C1QTNF3: variants seen among roughly 807,000 people sequenced by gnomAD.
C1QTNF3 encodes the protein C1q and TNF related 3, also known as complement C1q tumor necrosis factor-related protein 3.
Under a neutral mutation model 32.6 loss-of-function variants are expected in C1QTNF3, and 26 were observed. The observed-to-expected ratio is 0.80, with a 90% CI of 0.58 to 1.11. C1QTNF3 has a LOEUF of 1.11. Ranked by LOEUF, C1QTNF3 falls within the 50% of genes least tolerant of loss-of-function variation. C1QTNF3 has a pLI of 0.00. For missense variants in C1QTNF3, 362 were observed against 398.2 expected (o/e 0.91, Z 0.77); for synonymous variants, 155 against 146.0 (o/e 1.06, Z -0.44).
rs1754544048 is a variant in C1QTNF3, at chr5:34,028,899, T to C, written c.571-16A>G. The C allele has an allele frequency of 2.5e-6, 4 of 1,603,858 alleles. No homozygotes were observed. The highest frequency in any genetic ancestry group is 2.2e-5 in the East Asian group (1 of 44,478). On this transcript the variant is annotated splice_polypyrimidine_tract_variant and intron_variant, in intron 3 of 5. Transcript: ENST00000382065. ...TGAATGCAATCTAAGGAAAGAATTATTGGTCAATAAATAGGCAATTTATCT... is the reference window on the plus strand; with the variant it reads ...TGAATGCAATCTAAGGAAAGAATTACTGGTCAATAAATAGGCAATTTATCT...
chr5:34,155,834 C>T, the C1QTNF3 span, among the ~76,000 whole-genome samples: 1 of 151,876 alleles, frequency 6.6e-6, no homozygotes, highest in Non-Finnish European at 1.5e-5. Context: ...AAATATGGCT[C>T]CTAAGTGACA....
the C1QTNF3 span, among the ~76,000 whole-genome samples, chr5:34,082,088 CATCT>C: frequency 4.0e-5 from 6 of 151,730 alleles, no homozygotes; most frequent in African/African-American, 1.2e-4. Flanking sequence ...ACAACTCCTC[CATCT>C]GTTTCCACAT....
At chr5:34,038,122 C>CT (rs1754786050) in intron 1 of C1QTNF3, among the ~76,000 whole-genome samples, 3 of 152,264 alleles carry the variant, frequency 2.0e-5, no homozygotes, top group Middle Eastern at 6.8e-3. Context: ...CTCCAGACAT[C>CT]TTTTTTTGTT....
the C1QTNF3 span, among the ~76,000 whole-genome samples, chr5:34,155,895 TTAAA>T: frequency 4.6e-5 from 7 of 152,142 alleles, no homozygotes; most frequent in African/African-American, 1.7e-4. Context: ...TAAAATACTT[TTAAA>T]TATATAATAA....
chr5:34,087,336 T>G, the C1QTNF3 span, among the ~76,000 whole-genome samples: 4 of 152,056 alleles, frequency 2.6e-5, no homozygotes, highest in South Asian at 8.3e-4. Context: ...AATAAATTCA[T>G]AAATGAAAAA....
At chr5:34,176,111 G>A in the C1QTNF3 span, among the ~76,000 whole-genome samples, 1 of 152,106 alleles carries the variant, frequency 6.6e-6, no homozygotes, top group Admixed American at 6.6e-5. Flanking sequence ...GACAGTCAGG[G>A]AGAAATTGGA....
At chr5:34,079,425 G>A in the C1QTNF3 span, among the ~76,000 whole-genome samples, 11,704 of 151,366 alleles carry the variant, frequency 0.077, 620 homozygotes, top group Middle Eastern at 0.12. Context: ...TCACCCATTC[G>A]CATTCCTACC....
At chr5:34,041,469 G>T (rs1196034323) in intron 1 of C1QTNF3, among the ~76,000 whole-genome samples, 1 of 152,092 alleles carries the variant, frequency 6.6e-6, no homozygotes, top group East Asian at 1.9e-4. Flanking sequence ...CCATCTGTTG[G>T]CCAAGAAGGA....
At chr5:34,036,795 T>C (rs1033325033) in intron 1 of C1QTNF3, among the ~76,000 whole-genome samples, 11 of 151,846 alleles carry the variant, frequency 7.2e-5, no homozygotes. Context: ...CTACTAAAAA[T>C]ACAAAAATTA....
the C1QTNF3 span, among the ~76,000 whole-genome samples, chr5:34,134,817 T>A: frequency 6.6e-6 from 1 of 152,170 alleles, no homozygotes; most frequent in Non-Finnish European, 1.5e-5. Flanking sequence ...TTAAGGAGAT[T>A]TTGGGTGGAG....
At chr5:34,241,991 A>AGGAAGGAAGGAAGGAG in the C1QTNF3 span, among the ~76,000 whole-genome samples, 1 of 150,976 alleles carries the variant, frequency 6.6e-6, no homozygotes, top group Non-Finnish European at 1.5e-5. Flanking sequence ...GAAGGAAGGA[A>AGGAAGGAAGGAAGGAG]GGAAGGAAGG....
chr5:34,049,673 C>G, the C1QTNF3 span, among the ~76,000 whole-genome samples: 1 of 152,214 alleles, frequency 6.6e-6, no homozygotes, highest in Non-Finnish European at 1.5e-5. Context: ...GACTGATTTT[C>G]AGGAATTGCC....
chr5:34,106,917 A>T, the C1QTNF3 span, among the ~76,000 whole-genome samples: 2 of 94,074 alleles, frequency 2.1e-5, no homozygotes, highest in Non-Finnish European at 2.1e-5. Context: ...GAGAAGTTTT[A>T]TATTATTCTT....
chr5:34,203,371 C>T, the C1QTNF3 span, among the ~76,000 whole-genome samples: 2 of 152,136 alleles, frequency 1.3e-5, no homozygotes, highest in East Asian at 1.9e-4. Context: ...ATGAATTAAA[C>T]ATTCCACTTA....
chr5:34,243,224 C>T, the C1QTNF3 span, among the ~76,000 whole-genome samples: 1 of 152,204 alleles, frequency 6.6e-6, no homozygotes, highest in Admixed American at 6.5e-5. Context: ...CCTCACTAAT[C>T]AGCAAATAAA....
At chr5:34,021,764 C>T (rs1028238043) in intron 5 of C1QTNF3, among the ~76,000 whole-genome samples, 1 of 152,102 alleles carries the variant, frequency 6.6e-6, no homozygotes, top group African/African-American at 2.4e-5. Flanking sequence ...GGACCTGTGG[C>T]AGGGTGAGGG....
chr5:34,210,001 A>G, the C1QTNF3 span, among the ~76,000 whole-genome samples: 1 of 152,092 alleles, frequency 6.6e-6, no homozygotes, highest in Non-Finnish European at 1.5e-5. Flanking sequence ...ATGCAATCTA[A>G]TATTAGATGA....
the C1QTNF3 span, among the ~76,000 whole-genome samples, chr5:34,109,557 T>A: frequency 1.1e-4 from 16 of 152,028 alleles, no homozygotes; most frequent in Non-Finnish European, 1.8e-4. Flanking sequence ...TTCTCAGAAC[T>A]CTGACAGCAG....
chr5:34,028,407 G>A (rs1180499141), intron 4 of C1QTNF3, among the ~76,000 whole-genome samples: 1 of 152,150 alleles, frequency 6.6e-6, no homozygotes, highest in Non-Finnish European at 1.5e-5. Flanking sequence ...ATGTTTTAAG[G>A]ACTTTTAAAG....
Sources: allele counts gnomAD v4.1 joint callset (sites outside exome capture counted in the v4.1 genomes callset), GRCh38; gene constraint gnomAD v4.1.1; transcripts MANE v1.5; gene names NCBI Gene and HGNC (gene_info 2026-07-23, HGNC 2026-07-21).